Variants in SIK2 observed in about 807,000 individuals in gnomAD.
SIK2 encodes salt inducible kinase 2.
SIK2 carries 29 observed loss-of-function variants against 103.2 expected under a neutral mutation model. That is an observed-to-expected ratio of 0.28 (90% CI 0.21 to 0.38). SIK2 has a LOEUF of 0.38. Among genes scored for constraint, SIK2 ranks in the 10% least tolerant of loss-of-function variants. The pLI is 1.00. For synonymous variants in SIK2, 412 were observed against 446.1 expected (o/e 0.92, Z 0.96); for missense variants, 879 against 1,171.0 (o/e 0.75, Z 3.64).
chr11:111,697,729 C>T (rs1943110050), intron 4 of SIK2, among the ~76,000 whole-genome samples: 1 of 152,124 alleles, frequency 6.6e-6, no homozygotes, highest in African/African-American at 2.4e-5. Flanking sequence ...CAGTGGCTCA[C>T]ACCTGTAATC....
At chr11:111,660,074 A>G (rs187604589) in intron 3 of SIK2, among the ~76,000 whole-genome samples, 102 of 152,326 alleles carry the variant, frequency 6.7e-4, no homozygotes, top group African/African-American at 2.4e-3. Context: ...AATGAACCTC[A>G]TGTTTCATTG....
rs564641226 is a variant in SIK2 at position 111,721,072 on chromosome 11, T to A, written c.1944+10T>A. On this transcript the variant is annotated intron_variant, in intron 12 of 14. Coordinates refer to ENST00000304987, the MANE Select transcript of SIK2 (RefSeq NM_015191.3). ...TAGCAGCTGCCCTCAGGTGGGTACCTTGGGCCCTTCCCTCAATGGCTCTGT... is the reference window on the plus strand; with the variant it reads ...TAGCAGCTGCCCTCAGGTGGGTACCATGGGCCCTTCCCTCAATGGCTCTGT... 7.5e-6 allele frequency: 12 copies of A among 1,606,330 alleles called. No homozygotes were observed. The South Asian group carries it at 1.3e-4, about 18-fold the overall frequency.
chr11:111,628,991 C>T (rs1942002439), intron 3 of SIK2, among the ~76,000 whole-genome samples: 1 of 151,914 alleles, frequency 6.6e-6, no homozygotes, highest in Admixed American at 6.6e-5. Flanking sequence ...GTGATGATGC[C>T]TATAAGGGAG....
rs181660484 is a variant in SIK2 at position 111,693,648 on chromosome 11, A to T, written c.478+5486A>T. 3.0e-4 allele frequency among the ~76,000 whole-genome samples: 45 copies of T among 152,362 alleles called. No individual in the cohort carries two copies. In the East Asian group the frequency reaches 8.1e-3, roughly 27 times the overall value. On this transcript the variant is annotated intron_variant, in intron 4 of 14. Transcript: ENST00000304987. ...AAATAAGGATAAAAATCTATGAATT[A>T]ATCACACGTCAAACAGGGCTTCATG...
chr11:111,685,651 C>T (rs1591615121), intron 3 of SIK2, among the ~76,000 whole-genome samples: 1 of 152,136 alleles, frequency 6.6e-6, no homozygotes, highest in East Asian at 1.9e-4. Context: ...TGAGCCCAGC[C>T]TGAACAACAG....
chr11:111,703,508 A>C (rs1943265764), intron 7 of SIK2, 85 bp downstream of exon 7: 1 of 1,210,222 alleles, frequency 8.3e-7, no homozygotes, highest in Non-Finnish European at 1.2e-6. Context: ...GTCTTTTAGC[A>C]CATGTATCTC....
chr11:111,636,298 A>G lies in SIK2; in HGVS notation c.316+15896A>G, dbSNP rs148317153. Among the ~76,000 whole-genome samples, 243 of 152,250 alleles carry G rather than the reference A, an allele frequency of 1.6e-3. 2 individuals carry two copies. The highest frequency in any genetic ancestry group is 5.4e-3 in the African/African-American group (225 of 41,572). ...ATTTCTGTTGTATTTATTTTCTTGTATTTCTGAAAATGCCTTTGTTTTACT... is the reference window on the plus strand; with the variant it reads ...ATTTCTGTTGTATTTATTTTCTTGTGTTTCTGAAAATGCCTTTGTTTTACT... On this transcript the variant is annotated intron_variant, in intron 3 of 14. Coordinates refer to ENST00000304987, the MANE Select transcript of SIK2 (RefSeq NM_015191.3).
At chr11:111,665,961 T>C (rs1214280735) in intron 3 of SIK2, among the ~76,000 whole-genome samples, 1 of 152,210 alleles carries the variant, frequency 6.6e-6, no homozygotes, top group Non-Finnish European at 1.5e-5. Context: ...TAGACCACCG[T>C]TAAGGGTCAG....
chr11:111,651,826 G>A (rs575442472), intron 3 of SIK2, among the ~76,000 whole-genome samples: 4 of 152,180 alleles, frequency 2.6e-5, no homozygotes, highest in Admixed American at 1.3e-4. Flanking sequence ...TTGCTATTTG[G>A]CTTTGTCAGT....
At chr11:111,615,957 C>T (rs1941799642) in intron 1 of SIK2, among the ~76,000 whole-genome samples, 1 of 152,046 alleles carries the variant, frequency 6.6e-6, no homozygotes, top group South Asian at 2.1e-4. Flanking sequence ...TTTATTTTTT[C>T]AGTTTGTACA....
intron 3 of SIK2, among the ~76,000 whole-genome samples, chr11:111,622,814 C>T (rs1293033928): frequency 2.0e-5 from 3 of 151,832 alleles, no homozygotes; most frequent in Non-Finnish European, 2.9e-5. Flanking sequence ...TGCCTTTTTT[C>T]TCTGGCTGCT....
chr11:111,638,448 G>A (rs1377730934), intron 3 of SIK2, among the ~76,000 whole-genome samples: 1 of 152,104 alleles, frequency 6.6e-6, no homozygotes, highest in African/African-American at 2.4e-5. Context: ...CCAACTTCCA[G>A]TTTCTTGTGC....
At chr11:111,712,155 T>C in intron 8 of SIK2, 56 bp from the exon 9 acceptor site, 1 of 1,493,056 alleles carries the variant, frequency 6.7e-7, no homozygotes, top group Non-Finnish European at 9.2e-7. Context: ...GAACTTTGTG[T>C]ATTTATAGAG....
chr11:111,616,071 A>G (rs1941801500), intron 1 of SIK2, among the ~76,000 whole-genome samples, 172 bp from the exon 2 acceptor site: 1 of 152,238 alleles, frequency 6.6e-6, no homozygotes, highest in South Asian at 2.1e-4. Context: ...TGCCTTACAC[A>G]TGGTATTAGT....
At chr11:111,663,759 C>T (rs78067760) in intron 3 of SIK2, among the ~76,000 whole-genome samples, 203 of 152,182 alleles carry the variant, frequency 1.3e-3, no homozygotes, top group African/African-American at 4.6e-3. Flanking sequence ...CTTCGGGGTA[C>T]GTTTTCAAGG....
At chr11:111,629,710 G>T (rs551094574) in intron 3 of SIK2, among the ~76,000 whole-genome samples, 1 of 152,194 alleles carries the variant, frequency 6.6e-6, no homozygotes, top group East Asian at 1.9e-4. Context: ...AAAAGCACAT[G>T]AAAAATTACT....
intron 9 of SIK2, among the ~76,000 whole-genome samples, chr11:111,714,063 C>T (rs887011032): frequency 2.0e-5 from 3 of 152,128 alleles, no homozygotes; most frequent in Non-Finnish European, 4.4e-5. Context: ...CAGGAAAGTC[C>T]GGTTTAACTG....
intron 10 of SIK2, among the ~76,000 whole-genome samples, 154 bp downstream of exon 10, chr11:111,720,157 T>C (rs1565393762): frequency 6.6e-6 from 1 of 152,182 alleles, no homozygotes; most frequent in Non-Finnish European, 1.5e-5. Context: ...AGACACAGCC[T>C]GGCAGCAGCT....
chr11:111,665,282 C>CA (rs56918186), intron 3 of SIK2, among the ~76,000 whole-genome samples: 1,509 of 136,924 alleles, frequency 0.011, 34 homozygotes, highest in African/African-American at 0.036. Flanking sequence ...CCCATGTTTA[C>CA]AAAAAAAAAA....
Sources: gnomAD v4.1 joint callset for allele counts (sites outside exome capture counted in the v4.1 genomes callset) on GRCh38, gnomAD v4.1.1 for gene constraint, MANE v1.5 for transcripts, NCBI Gene and HGNC (gene_info 2026-07-23, HGNC 2026-07-21) for gene names.